The following NAALADL2 variants were observed in gnomAD, a reference collection of about 807,000 sequenced individuals.
The protein encoded by NAALADL2 is inactive N-acetylated-alpha-linked acidic dipeptidase-like protein 2.
In NAALADL2, 76 loss-of-function variants were observed where a neutral mutation model predicts 87.2. The ratio of observed to expected loss-of-function variants is 0.87; its 90% CI spans 0.72 to 1.05. The LOEUF (loss-of-function observed/expected upper bound fraction) is 1.05, where lower values mean the gene tolerates loss of function less well. Ranked by LOEUF, NAALADL2 falls within the 50% of genes least tolerant of loss-of-function variation. The pLI, the probability that NAALADL2 is intolerant of heterozygous loss-of-function variation, is 0.00. For missense variants in NAALADL2, 1,089 were observed against 945.8 expected, an observed-to-expected ratio of 1.15 and a Z score of -1.99; for synonymous variants, 354 against 331.0, an observed-to-expected ratio of 1.07 and a Z score of -0.75.
intron 3 of NAALADL2, among the ~76,000 whole-genome samples, chr3:175,253,176 G>A (rs1749351635): frequency 6.6e-6 from 1 of 152,194 alleles, no homozygotes. Flanking sequence ...GGCTAGGCCA[G>A]GCTTCCAAGC....
intron 12 of NAALADL2, among the ~76,000 whole-genome samples, chr3:175,743,528 A>G (rs1156311583): frequency 6.6e-6 from 1 of 152,208 alleles, no homozygotes; most frequent in African/African-American, 2.4e-5. Context: ...GATGTACATA[A>G]AGGATGTATG....
At chr3:174,699,032 TG>T (rs1729298307) in intron 2 of NAALADL2, among the ~76,000 whole-genome samples, 1 of 152,090 alleles carries the variant, frequency 6.6e-6, no homozygotes, top group Non-Finnish European at 1.5e-5. Flanking sequence ...ATTTAAATAC[TG>T]CCTTTTCTTA....
At chr3:174,486,896 C>A (rs139456984) in intron 1 of NAALADL2, among the ~76,000 whole-genome samples, 44 of 152,062 alleles carry the variant, frequency 2.9e-4, no homozygotes, top group African/African-American at 8.9e-4. Context: ...ATATGAATAC[C>A]TAGGTTTATC....
intron 1 of NAALADL2, among the ~76,000 whole-genome samples, chr3:174,915,710 T>C (rs1734286557): frequency 6.6e-6 from 1 of 152,188 alleles, no homozygotes; most frequent in Non-Finnish European, 1.5e-5. Context: ...AAGCTAATTT[T>C]CACCCAATCA....
At chr3:175,509,300 T>C (rs2149389520) in intron 9 of NAALADL2, among the ~76,000 whole-genome samples, 1 of 152,324 alleles carries the variant, frequency 6.6e-6, no homozygotes, top group African/African-American at 2.4e-5. Flanking sequence ...CTGGTCCTAC[T>C]CAGACTTCCT....
At chr3:174,954,503 G>A (rs1740876828) in intron 1 of NAALADL2, among the ~76,000 whole-genome samples, 1 of 152,028 alleles carries the variant, frequency 6.6e-6, no homozygotes, top group East Asian at 1.9e-4. Flanking sequence ...GAATAAAATA[G>A]TTGAGGAGGT....
At chr3:175,168,192 A>C (rs2108889332) in intron 2 of NAALADL2, among the ~76,000 whole-genome samples, 1 of 152,096 alleles carries the variant, frequency 6.6e-6, no homozygotes, top group African/African-American at 2.4e-5. Flanking sequence ...TTCTTGAAAG[A>C]ATCTGTGGCA....
chr3:174,984,142 T>A (rs1419630866), intron 1 of NAALADL2, among the ~76,000 whole-genome samples: 1 of 152,192 alleles, frequency 6.6e-6, no homozygotes, highest in Non-Finnish European at 1.5e-5. Context: ...AACAACGTAT[T>A]TCAAATGCAA....
In NAALADL2 at chr3:175,570,651, C is replaced by T. The variant is rs550894926; in HGVS notation, c.1654-5390C>T. 4.2e-3 allele frequency among the ~76,000 whole-genome samples: 632 copies of T among 152,140 alleles called. 3 individuals are homozygous for T. The highest frequency in any genetic ancestry group is 0.014 in the African/African-American group (580 of 41,522). On this transcript the variant is annotated intron_variant, in intron 9 of 13. Coordinates refer to ENST00000454872, the MANE Select transcript of NAALADL2 (RefSeq NM_207015.3). ...GTCCCAGCACTTTGGGAAGCCGAGG[C>T]GGGCGGATCACGAGGTCAGGAGATC...
intron 3 of NAALADL2, among the ~76,000 whole-genome samples, chr3:174,849,262 T>C (rs965500837): frequency 2.0e-5 from 3 of 148,786 alleles, no homozygotes; most frequent in Admixed American, 2.0e-4. Flanking sequence ...TAATTGACTC[T>C]ATCTTTTATA....
intron 9 of NAALADL2, among the ~76,000 whole-genome samples, chr3:175,573,270 T>A (rs1162051954): frequency 6.6e-6 from 1 of 152,200 alleles, no homozygotes; most frequent in Non-Finnish European, 1.5e-5. Flanking sequence ...TTGAGTAGGA[T>A]GCTTTTGCTG....
intron 2 of NAALADL2, among the ~76,000 whole-genome samples, chr3:174,659,118 T>C (rs1192642013): frequency 6.6e-6 from 1 of 152,206 alleles, no homozygotes; most frequent in Non-Finnish European, 1.5e-5. Flanking sequence ...TTTGGTGTAT[T>C]ATCTGAATAG....
At chr3:174,536,076 A>G (rs2108452687) in intron 1 of NAALADL2, among the ~76,000 whole-genome samples, 1 of 152,288 alleles carries the variant, frequency 6.6e-6, no homozygotes, top group Admixed American at 6.5e-5. Context: ...CATTTTTAAA[A>G]TGCAGCTTAA....
At chr3:174,815,022 A>C (rs1034910573) in intron 3 of NAALADL2, among the ~76,000 whole-genome samples, 2 of 152,210 alleles carry the variant, frequency 1.3e-5, no homozygotes, top group Non-Finnish European at 2.9e-5. Flanking sequence ...TGAATGTTTT[A>C]TATAATTAAT....
At chr3:175,497,676 G>T (rs1364151725) in intron 9 of NAALADL2, among the ~76,000 whole-genome samples, 1 of 151,658 alleles carries the variant, frequency 6.6e-6, no homozygotes, top group Non-Finnish European at 1.5e-5. Context: ...TTTCCTTTGG[G>T]TGGATTTTGT....
intron 1 of NAALADL2, among the ~76,000 whole-genome samples, chr3:174,907,042 C>T (rs922422525): frequency 3.9e-5 from 6 of 151,930 alleles, no homozygotes; most frequent in Admixed American, 1.3e-4. Flanking sequence ...CTCTTTGTGC[C>T]TAGTAAATCA....
chr3:174,754,139 G>C (rs1471205327), intron 3 of NAALADL2, among the ~76,000 whole-genome samples: 12 of 152,126 alleles, frequency 7.9e-5, no homozygotes. Flanking sequence ...TCTGCTAACT[G>C]TTACGTCTTT....
At chr3:175,755,520 A>C (rs535615971) in intron 13 of NAALADL2, 102 bp downstream of exon 13, 1 of 795,192 alleles carries the variant, frequency 1.3e-6, no homozygotes, top group African/African-American at 1.8e-5. Flanking sequence ...GTAGTGTAAA[A>C]GAAATTATAA....
At chr3:174,554,636 A>T (rs1470673780) in intron 2 of NAALADL2, among the ~76,000 whole-genome samples, 2 of 151,860 alleles carry the variant, frequency 1.3e-5, no homozygotes, top group African/African-American at 2.4e-5. Flanking sequence ...CTGATAAATT[A>T]AAAAATATGT....
Sources: gnomAD v4.1 joint callset for allele counts (sites outside exome capture counted in the v4.1 genomes callset) on GRCh38, gnomAD v4.1.1 for gene constraint, MANE v1.5 for transcripts, NCBI Gene and HGNC (gene_info 2026-07-23, HGNC 2026-07-21) for gene names.